TMEM43: variants seen among roughly 807,000 people sequenced by gnomAD.
TMEM43 encodes transmembrane protein 43, also known as arrhythmogenic right ventricular dysplasia 5.
TMEM43 carries 45 observed loss-of-function variants against 49.6 expected under a neutral mutation model. The ratio of observed to expected loss-of-function variants is 0.91; its 90% CI spans 0.71 to 1.16. The LOEUF (loss-of-function observed/expected upper bound fraction) is 1.16, where lower values mean the gene tolerates loss of function less well. Ranked by LOEUF, TMEM43 falls within the 50% of genes most tolerant of loss-of-function variation. The pLI is 0.00. For synonymous variants in TMEM43, 199 were observed against 207.8 expected, an observed-to-expected ratio of 0.96 and a Z score of 0.36; for missense variants, 532 against 516.6, an observed-to-expected ratio of 1.03 and a Z score of -0.29.
intron 1 of TMEM43, chr3:14,129,085 G>A (rs746592116): frequency 4.4e-5 from 18 of 410,786 alleles, no homozygotes; most frequent in African/African-American, 1.7e-4. Flanking sequence ...ACTAATCTAC[G>A]GTAGGAGAAA....
Position 14,142,424 on chromosome 3 carries a change from C to CT in TMEM43, c.*631dup, listed in dbSNP as rs1695262279. ...AGCTGGACATATACTGGGCTTCACA[C>CT]TTATCTTATGGCTTGGCAGAATCTT... is the stretch of plus-strand genomic sequence containing the variant. On this transcript the variant is annotated 3_prime_UTR_variant, in exon 12 of 12. Transcript: ENST00000306077. The CT allele has an allele frequency of 6.5e-6, 1 of 153,936 alleles. No individual in the cohort carries two copies. Among genetic ancestry groups the CT allele is most frequent in the Non-Finnish European group, 1.5e-5 (1 of 68,948 alleles). 9.5% of individuals were successfully genotyped at this position (153,936 alleles called of 1,614,324 possible).
rs1408153534 is a variant in TMEM43 at position 14,135,818 on chromosome 3, T to C, written c.792T>C (p.Ile264=). 1 of 1,613,342 alleles carries C rather than the reference T, an allele frequency of 6.2e-7. No homozygotes were observed. Among genetic ancestry groups the C allele is most frequent in the Admixed American group, 1.7e-5 (1 of 60,024 alleles). ...GGTCCTCTGACCAGGTCACTGTGAT[T>C]GCCCGGCAGCGGGGTGACCAGCTAG... is the stretch of plus-strand genomic sequence containing the variant. ...DLGPAHVVTV[I]ARQRGDQLVP... The change falls in exon 10 of 12, where the codon ATT becomes ATC. Residue 264 remains isoleucine (I), a synonymous_variant. Coordinates refer to ENST00000306077, the MANE Select transcript of TMEM43 (RefSeq NM_024334.3).
At chr3:14,139,070 AGAAATGGCCAACAGCTCCCGAGTT>A in intron 10 of TMEM43, 86 bp from the exon 11 acceptor site, 1 of 824,632 alleles carries the variant, frequency 1.2e-6, no homozygotes, top group Non-Finnish European at 2.1e-6. Flanking sequence ...TGGCCTGTTC[AGAAATGGCCAACAGCTCCCGAGTT>A]GGTACAGCCC....
At chr3:14,129,996 C>G (rs961376696) in intron 2 of TMEM43, among the ~76,000 whole-genome samples, 20 of 151,738 alleles carry the variant, frequency 1.3e-4, no homozygotes, top group African/African-American at 4.4e-4. Context: ...TCCTTTCTTT[C>G]TTTTCCTTTC....
At position 14,139,119 on chromosome 3, in the gene TMEM43, C is replaced by G. The variant is rs531843138; in HGVS notation, c.883-61C>G. On this transcript the variant is annotated intron_variant, in intron 10 of 11. Coordinates refer to ENST00000306077, the MANE Select transcript of TMEM43 (RefSeq NM_024334.3). ...TGGTACAGCCCCCTCAGGACCTGCCCTGCCGACTGGGTACGCCACTGGCCC... is the reference window on the plus strand; with the variant it reads ...TGGTACAGCCCCCTCAGGACCTGCCGTGCCGACTGGGTACGCCACTGGCCC... The G allele has an allele frequency of 1.8e-4, 235 of 1,273,416 alleles. No homozygotes were observed. The African/African-American group carries it at 3.2e-3, about 17-fold the overall frequency. 78.9% of individuals were successfully genotyped at this position (1,273,416 alleles called of 1,614,324 possible).
rs767916602 is a variant in TMEM43, at chr3:14,141,733, G to A, written c.1141G>A (p.Gly381Ser). Reference protein sequence around the residue: ...YRPLWALLIAGLALVPILVAR... With the variant: ...YRPLWALLIASLALVPILVAR... ...ACCCCTGTGGGCCCTCCTCATTGCC[G>A]GCCTGGCCCTTGTGCCCATCCTTGT... The change falls in exon 12 of 12, where the codon GGC becomes AGC. Residue 381 changes from glycine (G) to serine (S), a missense_variant. Transcript: ENST00000306077. The A allele has an allele frequency of 1.2e-5, 20 of 1,613,980 alleles. No individual in the cohort carries two copies. Among genetic ancestry groups the A allele is most frequent in the Admixed American group, 5.0e-5 (3 of 60,008 alleles).
intron 10 of TMEM43, among the ~76,000 whole-genome samples, chr3:14,138,972 C>T (rs1237904684): frequency 5.9e-5 from 9 of 152,192 alleles, no homozygotes; most frequent in East Asian, 3.9e-4. Context: ...AAGGCCCGTA[C>T]GTTCCACAGA....
rs1292115844 is a variant in TMEM43, at chr3:14,142,040, G to C, written c.*245G>C. 11 of 563,318 alleles carry C rather than the reference G, an allele frequency of 2.0e-5. No homozygotes were observed. The highest frequency in any genetic ancestry group is 8.3e-5 in the South Asian group (4 of 48,320). The allele number at this position is 563,318 out of a possible 1,614,324, so 34.9% of individuals were successfully genotyped here. ...GGCAGCAGCAGCTCATGAATGGCAAGCTGACAGCTTCTCCTGCTGTTTCCT... is the reference window on the plus strand; with the variant it reads ...GGCAGCAGCAGCTCATGAATGGCAACCTGACAGCTTCTCCTGCTGTTTCCT... On this transcript the variant is annotated 3_prime_UTR_variant, in exon 12 of 12. Coordinates refer to ENST00000306077, the MANE Select transcript of TMEM43 (RefSeq NM_024334.3).
chr3:14,133,074 G>C (rs969051076), intron 6 of TMEM43, 139 bp downstream of exon 6: 120 of 751,536 alleles, frequency 1.6e-4, no homozygotes, highest in Middle Eastern at 2.5e-4. Flanking sequence ...TTGAGACCAA[G>C]CCCTGTGCTG....
Position 14,125,127 on chromosome 3 carries a change from C to T in TMEM43, c.-67C>T. The T allele has an allele frequency of 5.0e-6, 8 of 1,598,832 alleles. No homozygotes were observed. Among genetic ancestry groups the T allele is most frequent in the Non-Finnish European group, 6.8e-6 (8 of 1,173,802 alleles). ...GCTGGCAAGAGGCCGCTGGACACCA[C>T]GCTCCAGTCGTCAGCCCACTTCCTA... is the stretch of plus-strand genomic sequence containing the variant. On this transcript the variant is annotated 5_prime_UTR_variant, in exon 1 of 12. In the 5' UTR this introduces an upstream ATG that the reference lacks. Coordinates refer to ENST00000306077, the MANE Select transcript of TMEM43 (RefSeq NM_024334.3).
intron 11 of TMEM43, among the ~76,000 whole-genome samples, chr3:14,140,250 C>G (rs1202584159): frequency 6.6e-6 from 1 of 152,174 alleles, no homozygotes; most frequent in Non-Finnish European, 1.5e-5. Context: ...GAGAGATGAG[C>G]ATTTAAACGG....
chr3:14,134,658 G>T (rs1289308455), intron 7 of TMEM43, 112 bp from the exon 8 acceptor site: 10 of 1,410,754 alleles, frequency 7.1e-6, no homozygotes, highest in Non-Finnish European at 1.0e-5. Flanking sequence ...GCAGGTGGGA[G>T]TGCCACGTGT....
rs1490241083 is a variant in TMEM43, at chr3:14,142,412, C to T, written c.*617C>T. 6.4e-6 allele frequency: 1 copy of T among 155,748 alleles called. No individual in the cohort carries two copies. Among genetic ancestry groups the T allele is most frequent in the Non-Finnish European group, 1.4e-5 (1 of 69,916 alleles). The allele number at this position is 155,748 out of a possible 1,614,324, so 9.6% of individuals were successfully genotyped here. ...CCTGAGGAGAAAAGCTGGACATATA[C>T]TGGGCTTCACACTTATCTTATGGCT... On this transcript the variant is annotated 3_prime_UTR_variant, in exon 12 of 12. Transcript: ENST00000306077.
Position 14,143,531 on chromosome 3 carries a change from T to C in TMEM43, c.*1736T>C, listed in dbSNP as rs1695283254. 1 of 152,234 alleles carries C rather than the reference T, an allele frequency of 6.6e-6. No individual in the cohort carries two copies. Among genetic ancestry groups the C allele is most frequent in the Non-Finnish European group, 1.5e-5 (1 of 68,046 alleles). 9.4% of individuals were successfully genotyped at this position (152,234 alleles called of 1,614,324 possible). On this transcript the variant is annotated 3_prime_UTR_variant, in exon 12 of 12. Transcript: ENST00000306077. ...GCAAAATCCTTGGGCTTTGGTTTTT[T>C]TCTAGTAAGGATTTTAAATAACTGC...
In TMEM43 at chr3:14,125,214, C is replaced by T; in HGVS notation, c.12+9C>T. The T allele has an allele frequency of 1.2e-6, 2 of 1,607,776 alleles. No individual in the cohort carries two copies. Among genetic ancestry groups the T allele is most frequent in the East Asian group, 2.2e-5 (1 of 44,660 alleles). On this transcript the variant is annotated intron_variant, in intron 1 of 11. Transcript: ENST00000306077. ...CCACCATGGCCGCGAATGTGAGTAT[C>T]CCCGGGCCAGCCGGGCCACACCCAG... is the stretch of plus-strand genomic sequence containing the variant.
chr3:14,136,816 A>G lies in TMEM43; in HGVS notation c.882+908A>G, dbSNP rs979413073. On this transcript the variant is annotated intron_variant, in intron 10 of 11. Coordinates refer to ENST00000306077, the MANE Select transcript of TMEM43 (RefSeq NM_024334.3). ...TCTCCCATTGTAAATAGGGAGGGCT[A>G]TGCCTACCCCGGGTCCCAAGGAGAA... Among the ~76,000 whole-genome samples, 20 of 148,868 alleles carry G rather than the reference A, an allele frequency of 1.3e-4. 3 individuals are homozygous for G. Among genetic ancestry groups the G allele is most frequent in the African/African-American group, 4.1e-4 (16 of 39,454 alleles).
At chr3:14,140,482 C>T (rs1012173004) in intron 11 of TMEM43, among the ~76,000 whole-genome samples, 1 of 152,138 alleles carries the variant, frequency 6.6e-6, no homozygotes, top group East Asian at 1.9e-4. Flanking sequence ...GCACACAGTT[C>T]CCCATGCGTT....
intron 1 of TMEM43, among the ~76,000 whole-genome samples, chr3:14,126,468 AAGGGC>A: frequency 6.6e-6 from 1 of 152,270 alleles, no homozygotes; most frequent in African/African-American, 2.4e-5. Context: ...ATATGCTGAA[AAGGGC>A]AGGCTTTGGA....
In TMEM43 at chr3:14,135,360, ACT is replaced by A. The variant is rs1412580290; in HGVS notation, c.780+132_780+133del. The A allele has an allele frequency of 2.6e-5, 21 of 792,762 alleles. No individual in the cohort carries two copies. In the East Asian group the frequency reaches 4.8e-4, roughly 18 times the overall value. 49.1% of individuals were successfully genotyped at this position (792,762 alleles called of 1,614,324 possible). A position where few individuals can be genotyped will look rare whatever the true frequency, so the allele number is the denominator to read the frequency against. ...TGGGGAAAGGCACACTCTCGCACAC[ACT>A]CTCAGCCAGGCACGCTTCTGAGCAG... On this transcript the variant is annotated intron_variant, in intron 9 of 11. Coordinates refer to ENST00000306077, the MANE Select transcript of TMEM43 (RefSeq NM_024334.3).
Sources: gnomAD v4.1 joint callset for allele counts (sites outside exome capture counted in the v4.1 genomes callset) on GRCh38, gnomAD v4.1.1 for gene constraint, MANE v1.5 for transcripts, NCBI Gene and HGNC (gene_info 2026-07-23, HGNC 2026-07-21) for gene names.